Variants in LARGE1 observed in about 807,000 individuals in gnomAD.
The protein encoded by LARGE1 is LARGE xylosyl- and glucuronyltransferase 1.
Under a neutral mutation model 87.6 loss-of-function variants are expected in LARGE1, and 43 were observed. The observed-to-expected ratio is 0.49, with a 90% CI of 0.38 to 0.63. The LOEUF is 0.63. LARGE1 is among the 30% of genes least tolerant of loss of function. The probability of loss-of-function intolerance (pLI) is 0.00; values close to 1 mark genes in which losing one functional copy is unlikely to be tolerated. For missense variants in LARGE1, 802 were observed against 1,000.2 expected (o/e 0.80, Z 2.67); for synonymous variants, 434 against 394.6 (o/e 1.10, Z -1.18).
At chr22:33,459,390 T>A (rs1159448386) in intron 6 of LARGE1, among the ~76,000 whole-genome samples, 5 of 151,792 alleles carry the variant, frequency 3.3e-5, no homozygotes, top group African/African-American at 9.7e-5. Context: ...CGTGAAAGTC[T>A]TTTACAGGGC....
chr22:33,205,157 AC>A (rs1052492520), intron 11 of LARGE1, among the ~76,000 whole-genome samples: 2 of 152,046 alleles, frequency 1.3e-5, no homozygotes, highest in African/African-American at 4.8e-5. Flanking sequence ...CTCAGATGCT[AC>A]CCCCTTCAAG....
downstream of LARGE1, among the ~76,000 whole-genome samples, chr22:33,267,981 G>C (rs1303768271): frequency 6.6e-6 from 1 of 150,908 alleles, no homozygotes; most frequent in Non-Finnish European, 1.5e-5. Flanking sequence ...TTTGAGACGG[G>C]GTCTTGCTCT....
chr22:33,433,792 G>C (rs182077286), intron 6 of LARGE1, among the ~76,000 whole-genome samples: 1 of 152,082 alleles, frequency 6.6e-6, no homozygotes, highest in Non-Finnish European at 1.5e-5. Flanking sequence ...AAGCCCATCC[G>C]CACTTAAGAA....
At chr22:33,596,277 T>C (rs1009665021) in intron 5 of LARGE1, among the ~76,000 whole-genome samples, 2 of 152,258 alleles carry the variant, frequency 1.3e-5, no homozygotes, top group Non-Finnish European at 2.9e-5. Context: ...AAATTTTCTA[T>C]GTCCAACATT....
intron 7 of LARGE1, among the ~76,000 whole-genome samples, chr22:33,403,582 A>C (rs974859265): frequency 1.3e-4 from 20 of 151,472 alleles, no homozygotes; most frequent in Admixed American, 1.1e-3. Context: ...TTTCGGTCTT[A>C]CCTGGACCAT....
intron 9 of LARGE1, among the ~76,000 whole-genome samples, chr22:33,342,647 G>C (rs1939288360): frequency 6.6e-6 from 1 of 152,174 alleles, no homozygotes; most frequent in Non-Finnish European, 1.5e-5. Flanking sequence ...TGCCAAGTCA[G>C]GGTTGGGACT....
chr22:33,159,884 G>A (rs552543730), downstream of LARGE1, among the ~76,000 whole-genome samples: 6 of 150,532 alleles, frequency 4.0e-5, no homozygotes, highest in East Asian at 1.2e-3. Flanking sequence ...ACCATGCCTG[G>A]CAATCAATTT....
intron 2 of LARGE1, among the ~76,000 whole-genome samples, chr22:33,703,355 GA>G (rs780406393): frequency 0.051 from 4,392 of 86,576 alleles, 191 homozygotes; most frequent in African/African-American, 0.15. Flanking sequence ...AGCCTAAAGT[GA>G]AAAAAAAAAA....
intron 7 of LARGE1, among the ~76,000 whole-genome samples, chr22:33,387,270 C>A (rs1353812776): frequency 3.2e-5 from 4 of 126,332 alleles, no homozygotes; most frequent in African/African-American, 1.1e-4. Context: ...ACTAAAAATA[C>A]AAAAAAACTA....
At chr22:33,881,825 G>T (rs1263284931) in intron 1 of LARGE1, among the ~76,000 whole-genome samples, 2 of 152,188 alleles carry the variant, frequency 1.3e-5, no homozygotes, top group Non-Finnish European at 2.9e-5. Flanking sequence ...TCATCTTCAT[G>T]AGCCTGAATA....
At chr22:33,439,401 A>G (rs2067388547) in intron 6 of LARGE1, among the ~76,000 whole-genome samples, 1 of 151,854 alleles carries the variant, frequency 6.6e-6, no homozygotes, top group African/African-American at 2.4e-5. Flanking sequence ...CCCTCACCCC[A>G]TCCCTGCTGT....
rs60815644 is a variant in LARGE1 at position 33,642,710 on chromosome 22, C to CAAAAAAAAAAAAAAAAAAAAA, written c.408+7636_408+7656dup. Among the ~76,000 whole-genome samples the CAAAAAAAAAAAAAAAAAAAAA allele has an allele frequency of 6.9e-4, 12 of 17,352 alleles. 3 individuals carry two copies. Among genetic ancestry groups the CAAAAAAAAAAAAAAAAAAAAA allele is most frequent in the African/African-American group, 3.1e-3 (12 of 3,812 alleles). 11.4% of individuals were successfully genotyped at this position (17,352 alleles called of 152,430 possible). ...GAATATTTACCAAGCAAATGGAAAG[C>CAAAAAAAAAAAAAAAAAAAAA]AAAAAAAAAAAAAAAAAAAAAAAAA... On this transcript the variant is annotated intron_variant, in intron 3 of 14. Coordinates refer to ENST00000397394, the MANE Select transcript of LARGE1 (RefSeq NM_133642.5).
At chr22:33,921,025 G>T (rs1438873099), upstream of LARGE1, among the ~76,000 whole-genome samples, 1 of 150,186 alleles carries the variant, frequency 6.7e-6, no homozygotes, top group Non-Finnish European at 1.5e-5. This position sits in a 1 kb window ranked among gnomAD's most constrained non-coding sequence, Gnocchi z 4.1. Context: ...TCTGTGTCAT[G>T]TCTGTGCAGC....
At chr22:33,704,540 CA>C (rs56407245) in intron 2 of LARGE1, among the ~76,000 whole-genome samples, 61 of 152,300 alleles carry the variant, frequency 4.0e-4, no homozygotes, top group Non-Finnish European at 6.9e-4. Flanking sequence ...GAGCCTCTCG[CA>C]ACTGAGCCTG....
chr22:33,123,135 G>A, the LARGE1 span, among the ~76,000 whole-genome samples: 1 of 152,096 alleles, frequency 6.6e-6, no homozygotes, highest in Non-Finnish European at 1.5e-5. Context: ...GGATATCTGG[G>A]GTAGCTTCTT....
intron 4 of LARGE1, among the ~76,000 whole-genome samples, chr22:33,609,622 A>G (rs930604085): frequency 3.9e-5 from 6 of 152,160 alleles, no homozygotes; most frequent in African/African-American, 1.2e-4. Flanking sequence ...ATTTTTTTCA[A>G]CAAAATCTGG....
intron 1 of LARGE1, among the ~76,000 whole-genome samples, chr22:33,768,119 C>T (rs2084960372): frequency 6.6e-6 from 1 of 152,116 alleles, no homozygotes; most frequent in South Asian, 2.1e-4. Context: ...ACCATCCTGG[C>T]TAACACAGTG....
At chr22:33,774,659 G>A (rs1425943826) in intron 1 of LARGE1, among the ~76,000 whole-genome samples, 1 of 152,112 alleles carries the variant, frequency 6.6e-6, no homozygotes, top group Non-Finnish European at 1.5e-5. Context: ...TGCCCAGCCA[G>A]ACATTAATCT....
chr22:33,732,146 T>C (rs1472519792), intron 2 of LARGE1: 1 of 152,202 alleles, frequency 6.6e-6, no homozygotes, highest in Non-Finnish European at 1.5e-5. Flanking sequence ...ATGTCACCTC[T>C]AGGCCTGAAG....
Sources: gnomAD v4.1 joint callset for allele counts (sites outside exome capture counted in the v4.1 genomes callset) on GRCh38, gnomAD v4.1.1 for gene constraint, Gnocchi (gnomAD v3.1) non-coding constraint, MANE v1.5 for transcripts, NCBI Gene and HGNC (gene_info 2026-07-23, HGNC 2026-07-21) for gene names.